ASIC2: variants seen among roughly 807,000 people sequenced by gnomAD.
ASIC2 encodes the protein acid sensing ion channel subunit 2.
ASIC2 carries 25 observed loss-of-function variants against 57.3 expected under a neutral mutation model. The ratio of observed to expected loss-of-function variants is 0.44; its 90% CI spans 0.32 to 0.61. The LOEUF (loss-of-function observed/expected upper bound fraction) is 0.61, where lower values mean the gene tolerates loss of function less well. Ranked by LOEUF, ASIC2 falls within the 20% of genes least tolerant of loss-of-function variation. The pLI is 0.06. For synonymous variants in ASIC2, 319 were observed against 307.5 expected, an observed-to-expected ratio of 1.04 and a Z score of -0.39; for missense variants, 641 against 738.1, an observed-to-expected ratio of 0.87 and a Z score of 1.52.
chr17:33,172,992 A>G (rs1394095674), intron 1 of ASIC2, among the ~76,000 whole-genome samples: 1 of 152,068 alleles, frequency 6.6e-6, no homozygotes, highest in Non-Finnish European at 1.5e-5. Context: ...CCCATTCCTT[A>G]ATCAGTTTGG....
intron 1 of ASIC2, among the ~76,000 whole-genome samples, chr17:33,513,353 T>C (rs984719994): frequency 3.9e-5 from 6 of 152,270 alleles, no homozygotes; most frequent in Admixed American, 2.0e-4. Context: ...TGCTATAAAA[T>C]GTCCTCTGAA....
chr17:33,814,031 A>C (rs553917437), intron 1 of ASIC2, among the ~76,000 whole-genome samples: 2 of 152,168 alleles, frequency 1.3e-5, no homozygotes, highest in East Asian at 3.9e-4. Context: ...AGGTTCACAG[A>C]GCATACTGCA....
chr17:33,136,809 C>G (rs2092368853), intron 1 of ASIC2, among the ~76,000 whole-genome samples: 1 of 152,162 alleles, frequency 6.6e-6, no homozygotes, highest in Non-Finnish European at 1.5e-5. Context: ...AAAGTCTGGA[C>G]TAGGGTAACA....
chr17:33,672,038 G>GA (rs1220431525), intron 1 of ASIC2, among the ~76,000 whole-genome samples: 1 of 151,774 alleles, frequency 6.6e-6, no homozygotes, highest in Non-Finnish European at 1.5e-5. Context: ...GAAAAGCCAA[G>GA]AAAAAAAATT....
At chr17:33,115,254 T>C (rs982358447) in intron 1 of ASIC2, among the ~76,000 whole-genome samples, 3 of 152,122 alleles carry the variant, frequency 2.0e-5, no homozygotes, top group Admixed American at 6.5e-5. Context: ...AGGGTGGCGG[T>C]CACCAGAGTA....
At chr17:34,101,230 T>G (rs1910852629) in intron 1 of ASIC2, among the ~76,000 whole-genome samples, 1 of 152,188 alleles carries the variant, frequency 6.6e-6, no homozygotes, top group Non-Finnish European at 1.5e-5. Context: ...TCCGGTATTG[T>G]TTTAAGTACC....
At chr17:33,291,373 G>T in intron 1 of ASIC2, 35 bp downstream of exon 1, 1 of 1,564,890 alleles carries the variant, frequency 6.4e-7, no homozygotes. Context: ...GGAGTGGGGC[G>T]CAGAGGGAGC....
intron 1 of ASIC2, among the ~76,000 whole-genome samples, chr17:33,562,272 T>C (rs1297990459): frequency 3.9e-5 from 6 of 152,252 alleles, no homozygotes; most frequent in Admixed American, 2.0e-4. Flanking sequence ...TCTTTCCCAA[T>C]ACAGTAGAAG....
chr17:33,235,032 G>C (rs1908241276), intron 1 of ASIC2, among the ~76,000 whole-genome samples: 1 of 152,186 alleles, frequency 6.6e-6, no homozygotes, highest in Non-Finnish European at 1.5e-5. Flanking sequence ...CTCTCCCACA[G>C]GCATGTGGCT....
chr17:33,371,172 G>A (rs1909046226), intron 1 of ASIC2, among the ~76,000 whole-genome samples: 1 of 152,182 alleles, frequency 6.6e-6, no homozygotes, highest in Non-Finnish European at 1.5e-5. Context: ...TCAAGATAGT[G>A]GGATATCAGG....
chr17:33,432,193 C>A (rs1156796986), intron 1 of ASIC2, among the ~76,000 whole-genome samples: 2 of 152,212 alleles, frequency 1.3e-5, no homozygotes, highest in African/African-American at 4.8e-5. Flanking sequence ...CCTCCACAGT[C>A]TACTCAACGT....
chr17:34,008,114 T>A (rs961350652), intron 1 of ASIC2, among the ~76,000 whole-genome samples: 11 of 152,188 alleles, frequency 7.2e-5, no homozygotes, highest in South Asian at 2.1e-4. Flanking sequence ...AAAAATCAGG[T>A]ATTTTTATTC....
chr17:33,987,305 G>C (rs1905852113), intron 1 of ASIC2, among the ~76,000 whole-genome samples: 1 of 152,108 alleles, frequency 6.6e-6, no homozygotes, highest in Non-Finnish European at 1.5e-5. Context: ...GGTGCACCCA[G>C]TGCTCCACAG....
At chr17:33,437,958 T>C (rs778503372) in intron 1 of ASIC2, among the ~76,000 whole-genome samples, 67 of 152,286 alleles carry the variant, frequency 4.4e-4, no homozygotes, top group Middle Eastern at 3.4e-3. Flanking sequence ...AGGCTTTTAT[T>C]AGGCAACCAA....
chr17:33,983,783 G>C (rs1905711385), intron 1 of ASIC2, among the ~76,000 whole-genome samples: 2 of 152,172 alleles, frequency 1.3e-5, no homozygotes, highest in African/African-American at 2.4e-5. Flanking sequence ...TACAAGTCTG[G>C]AGTTATTTTC....
At chr17:33,149,255 A>G (rs1567763638) in intron 1 of ASIC2, among the ~76,000 whole-genome samples, 2 of 152,260 alleles carry the variant, frequency 1.3e-5, no homozygotes, top group African/African-American at 2.4e-5. Context: ...AGCAATAATC[A>G]TAATGTTTTG....
At chr17:33,772,669 A>G (rs1203294447) in intron 1 of ASIC2, among the ~76,000 whole-genome samples, 1 of 152,196 alleles carries the variant, frequency 6.6e-6, no homozygotes, top group Non-Finnish European at 1.5e-5. Context: ...ATACCACTTT[A>G]GACGAGGAAG....
At chr17:33,206,175 A>C (rs1433689970) in intron 1 of ASIC2, among the ~76,000 whole-genome samples, 1 of 152,202 alleles carries the variant, frequency 6.6e-6, no homozygotes, top group African/African-American at 2.4e-5. Context: ...AAACAGCAGC[A>C]TCATACTTCC....
At chr17:33,244,008 C>T (rs1908604759) in intron 1 of ASIC2, among the ~76,000 whole-genome samples, 2 of 152,172 alleles carry the variant, frequency 1.3e-5, no homozygotes, top group Non-Finnish European at 2.9e-5. Context: ...TCCCAGAAAC[C>T]CCTTGTCCCC....
Sources: allele counts gnomAD v4.1 joint callset (sites outside exome capture counted in the v4.1 genomes callset), GRCh38; gene constraint gnomAD v4.1.1; transcripts MANE v1.5; gene names NCBI Gene and HGNC (gene_info 2026-07-23, HGNC 2026-07-21).